The following GABRA3 variants were observed in gnomAD, a reference collection of about 807,000 sequenced individuals.
GABRA3 encodes gamma-aminobutyric acid receptor subunit alpha-3.
In GABRA3, 10 loss-of-function variants were observed where a neutral mutation model predicts 30.1. The observed-to-expected ratio is 0.33, with a 90% CI of 0.20 to 0.56. GABRA3 has a LOEUF of 0.56. GABRA3 is among the 20% of genes least tolerant of loss of function. The pLI is 0.89. For synonymous variants in GABRA3, 151 were observed against 146.8 expected, an observed-to-expected ratio of 1.03 and a Z score of -0.21; for missense variants, 233 against 392.0, an observed-to-expected ratio of 0.59 and a Z score of 3.42.
intron 2 of GABRA3, among the ~76,000 whole-genome samples, chrX:152,363,163 A>G (rs929983997): frequency 3.6e-5 from 4 of 111,986 alleles, no homozygotes; most frequent in African/African-American, 1.3e-4. Context: ...CTAGAACAAA[A>G]CAAGGAAAAA....
chrX:152,186,828 G>T (rs1166461153), intron 9 of GABRA3: 1 of 110,707 alleles, frequency 9.0e-6, no homozygotes, highest in African/African-American at 3.3e-5. Flanking sequence ...TTACCATGTT[G>T]CCCAGGCTGG....
chrX:152,220,656 C>T (rs1035621986), intron 6 of GABRA3, among the ~76,000 whole-genome samples: 3 of 111,885 alleles, frequency 2.7e-5, no homozygotes, highest in Admixed American at 1.9e-4. Flanking sequence ...TTGGTACAAA[C>T]GTAGATTCTT....
At chrX:152,336,711 C>T (rs922572383) in intron 3 of GABRA3, among the ~76,000 whole-genome samples, 10 of 111,574 alleles carry the variant, frequency 9.0e-5, no homozygotes, top group Admixed American at 5.7e-4. Flanking sequence ...ACCCCAGTTT[C>T]GTAATTTGGA....
intron 1 of GABRA3, among the ~76,000 whole-genome samples, chrX:152,423,425 TAGGATGAAAGA>T (rs1930427759): frequency 8.9e-6 from 1 of 112,268 alleles, no homozygotes; most frequent in African/African-American, 3.2e-5. Context: ...GAATTTAGTG[TAGGATGAAAGA>T]ACAATTTATG....
At position 152,383,973 on chromosome X, in the gene GABRA3, C is replaced by CAA. The variant is rs34355005; in HGVS notation, c.-26-19379_-26-19378dup. 1.4e-3 allele frequency among the ~76,000 whole-genome samples: 103 copies of CAA among 73,149 alleles called. 1 individual carries two copies. Among genetic ancestry groups the CAA allele is most frequent in the South Asian group, 6.7e-3 (9 of 1,351 alleles). 63.5% of individuals were successfully genotyped at this position (73,149 alleles called of 115,157 possible). A position where few individuals can be genotyped will look rare whatever the true frequency, so the allele number is the denominator to read the frequency against. On this transcript the variant is annotated intron_variant, in intron 1 of 9. Transcript: ENST00000370314. ...GTGGAAAACCCTACAGACTCCACCACAAAAAAAAAAAAAAAAAGAAAAACC... is the reference window on the plus strand; with the variant it reads ...GTGGAAAACCCTACAGACTCCACCACAAAAAAAAAAAAAAAAAAAGAAAAACC...
chrX:152,183,589 T>C, intron 9 of GABRA3, among the ~76,000 whole-genome samples: 1 of 111,350 alleles, frequency 9.0e-6, no homozygotes. Flanking sequence ...TGCTTCTTTC[T>C]AGTAACTTTG....
At chrX:152,263,029 A>G (rs1192254168) in intron 4 of GABRA3, among the ~76,000 whole-genome samples, 8 of 111,577 alleles carry the variant, frequency 7.2e-5, no homozygotes, top group Non-Finnish European at 1.9e-5. Flanking sequence ...TGGCGGCAGG[A>G]GAGAGAAGTG....
chrX:152,403,117 A>T (rs1017870236), intron 1 of GABRA3, among the ~76,000 whole-genome samples: 3 of 111,873 alleles, frequency 2.7e-5, no homozygotes, highest in Non-Finnish European at 5.6e-5. Flanking sequence ...GAAGGAGATA[A>T]AACTGGCTGC....
chrX:152,202,509 G>C (rs1937496309), intron 7 of GABRA3, among the ~76,000 whole-genome samples: 1 of 111,542 alleles, frequency 9.0e-6, no homozygotes, highest in Non-Finnish European at 1.9e-5. Context: ...ATGTGTGTGT[G>C]TGTATATATA....
intron 5 of GABRA3, among the ~76,000 whole-genome samples, chrX:152,241,144 C>A (rs1243607366): frequency 1.3e-4 from 13 of 101,834 alleles, no homozygotes; most frequent in African/African-American, 4.5e-4. Flanking sequence ...TACTTTTGGT[C>A]TTTGATGATG....
intron 2 of GABRA3, among the ~76,000 whole-genome samples, chrX:152,357,888 T>C (rs73626630): frequency 0.012 from 1,340 of 110,875 alleles, 24 homozygotes; most frequent in African/African-American, 0.042. Context: ...TTCTGGGCTC[T>C]CTATTCGGTT....
At chrX:152,418,572 G>C (rs988283788) in intron 1 of GABRA3, among the ~76,000 whole-genome samples, 1 of 111,223 alleles carries the variant, frequency 9.0e-6, no homozygotes. Context: ...TTGAAAAGAC[G>C]GAAGTATATA....
intron 1 of GABRA3, among the ~76,000 whole-genome samples, chrX:152,369,355 G>A (rs1928760503): frequency 3.5e-5 from 1 of 28,376 alleles, no homozygotes; most frequent in African/African-American, 8.9e-5. Flanking sequence ...ATTTTTATCT[G>A]TCAATTAATA....
In GABRA3 at chrX:152,338,316, C is replaced by T. The variant is rs367641903; in HGVS notation, c.262+7265G>A. 9.8e-5 allele frequency among the ~76,000 whole-genome samples: 11 copies of T among 112,009 alleles called. No homozygotes were observed. The South Asian group carries it at 4.1e-3, about 41-fold the overall frequency. On this transcript the variant is annotated intron_variant, in intron 3 of 9. Coordinates refer to ENST00000370314, the MANE Select transcript of GABRA3 (RefSeq NM_000808.4). ...GAGCATTTTTTCATGTACCTCTTGG[C>T]CATTTGTATGTCTTCTTCTGAGAAA...
chrX:152,229,118 T>C (rs990976370), intron 5 of GABRA3, among the ~76,000 whole-genome samples: 1 of 111,410 alleles, frequency 9.0e-6, no homozygotes, highest in African/African-American at 3.3e-5. Flanking sequence ...TTTCCAACCT[T>C]TCTCCCTCTT....
intron 1 of GABRA3, among the ~76,000 whole-genome samples, chrX:152,404,863 T>C (rs1396116308): frequency 9.3e-6 from 1 of 107,569 alleles, no homozygotes; most frequent in Admixed American, 1.0e-4. Flanking sequence ...ACAAAACACA[T>C]AGAGTGCAGT....
At chrX:152,188,352 C>T (rs59350202) in intron 9 of GABRA3, among the ~76,000 whole-genome samples, 25,226 of 110,617 alleles carry the variant, frequency 0.23, 2,075 homozygotes, top group South Asian at 0.29. Context: ...ATAGGATTTA[C>T]AGTTGCATGG....
chrX:152,174,062 T>C (rs765397357), intron 9 of GABRA3, among the ~76,000 whole-genome samples: 29 of 110,800 alleles, frequency 2.6e-4, no homozygotes, highest in African/African-American at 8.5e-4. Context: ...GTCCTTGCCA[T>C]AGTTTGCTGA....
At chrX:152,186,599 ATCTC>A (rs765821292) in intron 9 of GABRA3, among the ~76,000 whole-genome samples, 8 of 96,306 alleles carry the variant, frequency 8.3e-5, no homozygotes, top group Admixed American at 1.2e-4. Flanking sequence ...TCCTTCCTTT[ATCTC>A]TCTCTCTCTC....
Sources: allele counts gnomAD v4.1 joint callset (sites outside exome capture counted in the v4.1 genomes callset), GRCh38; gene constraint gnomAD v4.1.1; transcripts MANE v1.5; gene names NCBI Gene and HGNC (gene_info 2026-07-23, HGNC 2026-07-21).